Variants in ZNF536 observed in about 807,000 individuals in gnomAD.
The protein encoded by ZNF536 is zinc finger protein 536.
A neutral mutation model predicts 84.5 loss-of-function variants in ZNF536; 13 were observed. The observed-to-expected ratio is 0.15, with a 90% CI of 0.10 to 0.24. The LOEUF (loss-of-function observed/expected upper bound fraction) is 0.24, where lower values mean the gene tolerates loss of function less well. ZNF536 is among the 10% of genes least tolerant of loss of function. ZNF536 has a pLI of 1.00. For synonymous variants in ZNF536, 811 were observed against 742.5 expected, an observed-to-expected ratio of 1.09 and a Z score of -1.50; for missense variants, 1,536 against 1,747.5, an observed-to-expected ratio of 0.88 and a Z score of 2.16.
intron 1 of ZNF536, among the ~76,000 whole-genome samples, chr19:30,229,005 G>A (rs1216056231): frequency 6.6e-6 from 1 of 152,088 alleles, no homozygotes; most frequent in African/African-American, 2.4e-5. Flanking sequence ...GGTCCCAGTG[G>A]CCGCCGCTGA....
chr19:30,265,878 T>A (rs1438958104), intron 1 of ZNF536, among the ~76,000 whole-genome samples: 3 of 130,724 alleles, frequency 2.3e-5, no homozygotes, highest in African/African-American at 7.9e-5. Context: ...CAGGTTTTTG[T>A]TTCTCTTTTC....
intron 1 of ZNF536, among the ~76,000 whole-genome samples, chr19:30,624,802 C>G (rs762682432): frequency 6.6e-6 from 1 of 152,102 alleles, no homozygotes; most frequent in Non-Finnish European, 1.5e-5. Flanking sequence ...AAGGAGGGAC[C>G]CAGTGAGAGG....
intron 2 of ZNF536, among the ~76,000 whole-genome samples, chr19:30,459,238 T>C (rs1381944247): frequency 6.7e-5 from 5 of 74,714 alleles, no homozygotes; most frequent in African/African-American, 4.3e-4. Context: ...TCATTTTCAT[T>C]TTTTTTTTTT....
intron 1 of ZNF536, among the ~76,000 whole-genome samples, chr19:30,264,393 CTCTGTGTGTGTGTGTGTGTGTGTGTGTA>C (rs1568542314): frequency 9.5e-6 from 1 of 105,140 alleles, no homozygotes; most frequent in Non-Finnish European, 1.7e-5. Flanking sequence ...GCAGTTGTGC[CTCTGTGTGTGTGTGTGTGTGTGTGTGTA>C]TGTGTGTGTA....
intron 2 of ZNF536, among the ~76,000 whole-genome samples, chr19:30,302,984 A>G (rs796580206): frequency 6.6e-6 from 1 of 152,118 alleles, no homozygotes; most frequent in Non-Finnish European, 1.5e-5. Flanking sequence ...TTTTTACATA[A>G]TTTTTCCTGA....
chr19:30,266,034 G>A (rs2025493782), intron 1 of ZNF536, among the ~76,000 whole-genome samples: 2 of 151,756 alleles, frequency 1.3e-5, no homozygotes, highest in African/African-American at 4.8e-5. Flanking sequence ...AGAACTACAG[G>A]CACATACCAA....
chr19:30,455,771 A>G (rs1026598144), intron 2 of ZNF536, among the ~76,000 whole-genome samples: 2 of 152,330 alleles, frequency 1.3e-5, no homozygotes, highest in East Asian at 1.9e-4. Flanking sequence ...GAAATGTACA[A>G]TAGATTATTG....
chr19:30,662,663 A>G (rs2050164532), intron 1 of ZNF536, among the ~76,000 whole-genome samples: 1 of 152,112 alleles, frequency 6.6e-6, no homozygotes. Flanking sequence ...TTCAATGAAG[A>G]GTGTACCAAT....
intron 2 of ZNF536, among the ~76,000 whole-genome samples, chr19:30,459,236 A>ATTT (rs35590599): frequency 1.6e-4 from 22 of 136,200 alleles, no homozygotes; most frequent in Admixed American, 1.3e-3. Flanking sequence ...TATCATTTTC[A>ATTT]TTTTTTTTTT....
intron 2 of ZNF536, among the ~76,000 whole-genome samples, chr19:30,506,970 T>G (rs1274917102): frequency 6.6e-6 from 1 of 152,244 alleles, no homozygotes; most frequent in Non-Finnish European, 1.5e-5. Flanking sequence ...TCTAAATATC[T>G]TTTCATTTTC....
At chr19:30,394,758 C>T (rs982859643) in intron 1 of ZNF536, among the ~76,000 whole-genome samples, 4 of 152,210 alleles carry the variant, frequency 2.6e-5, no homozygotes, top group African/African-American at 9.7e-5. Flanking sequence ...ATGAACTGGA[C>T]TTACACAATC....
intron 1 of ZNF536, among the ~76,000 whole-genome samples, chr19:30,649,389 T>C (rs903965854): frequency 2.0e-4 from 31 of 152,198 alleles, no homozygotes; most frequent in African/African-American, 7.5e-4. Flanking sequence ...CTCACTAATA[T>C]GCATGCAATA....
intron 2 of ZNF536, among the ~76,000 whole-genome samples, chr19:30,533,846 G>C (rs1199367984): frequency 6.6e-6 from 1 of 152,156 alleles, no homozygotes; most frequent in Non-Finnish European, 1.5e-5. Flanking sequence ...CTGCTCTGTG[G>C]GGATGTCCAT....
chr19:30,699,688 C>T (rs575219121), intron 1 of ZNF536, among the ~76,000 whole-genome samples: 11 of 152,226 alleles, frequency 7.2e-5, no homozygotes, highest in African/African-American at 2.2e-4. Flanking sequence ...TTTTACCTCT[C>T]TCATTGCCCT....
intron 2 of ZNF536, among the ~76,000 whole-genome samples, chr19:30,494,562 T>C (rs1239307247): frequency 6.6e-6 from 1 of 152,190 alleles, no homozygotes; most frequent in African/African-American, 2.4e-5. Flanking sequence ...GTCAGCTCTA[T>C]GGGTGCCCCA....
intron 1 of ZNF536, among the ~76,000 whole-genome samples, chr19:30,413,752 G>A (rs10422123): frequency 2.0e-5 from 3 of 151,904 alleles, no homozygotes; most frequent in Non-Finnish European, 2.9e-5. Context: ...CACTATGATT[G>A]CTCCTTGAAG....
Position 30,439,601 on chromosome 19 carries a change from G to C in ZNF536, c.-2-3960G>C, listed in dbSNP as rs75802174. Reference sequence around the variant, plus strand: ...TGACTGCCCCATTGCAGCGGCCTCGGCTGCACCTGCTCGAGGAATCACAGA... The same window carrying C: ...TGACTGCCCCATTGCAGCGGCCTCGCCTGCACCTGCTCGAGGAATCACAGA... On this transcript the variant is annotated intron_variant, in intron 1 of 4. Transcript: ENST00000355537. Among the ~76,000 whole-genome samples the C allele has an allele frequency of 6.1e-3, 932 of 152,312 alleles. 12 individuals carry two copies. Among genetic ancestry groups the C allele is most frequent in the African/African-American group, 0.022 (896 of 41,572 alleles).
chr19:30,382,174 C>T (rs762336629), intron 1 of ZNF536, among the ~76,000 whole-genome samples: 39 of 152,176 alleles, frequency 2.6e-4, no homozygotes, highest in Non-Finnish European at 2.9e-4. Flanking sequence ...GCATCCATGT[C>T]CCATTTCCGT....
intron 1 of ZNF536, among the ~76,000 whole-genome samples, chr19:30,584,462 G>A (rs968584616): frequency 3.9e-5 from 6 of 152,122 alleles, no homozygotes; most frequent in Admixed American, 6.5e-5. Context: ...CTTTCCCTGC[G>A]GTGCTACAGC....
Sources: allele counts gnomAD v4.1 joint callset (sites outside exome capture counted in the v4.1 genomes callset), GRCh38; gene constraint gnomAD v4.1.1; transcripts MANE v1.5; gene names NCBI Gene and HGNC (gene_info 2026-07-23, HGNC 2026-07-21).